SPIRE1: variants seen among roughly 807,000 people sequenced by gnomAD.
SPIRE1 encodes the protein protein spire homolog 1.
SPIRE1 carries 40 observed loss-of-function variants against 94.1 expected under a neutral mutation model. The observed-to-expected ratio is 0.43, with a 90% CI of 0.33 to 0.55. SPIRE1 has a LOEUF of 0.55. Ranked by LOEUF, SPIRE1 falls within the 20% of genes least tolerant of loss-of-function variation. The pLI is 0.06. For missense variants in SPIRE1, 838 were observed against 975.2 expected, an observed-to-expected ratio of 0.86 and a Z score of 1.87; for synonymous variants, 376 against 371.7, an observed-to-expected ratio of 1.01 and a Z score of -0.13.
intron 4 of SPIRE1, among the ~76,000 whole-genome samples, chr18:12,520,511 C>A (rs2034328782): frequency 6.6e-6 from 1 of 152,138 alleles, no homozygotes; most frequent in Non-Finnish European, 1.5e-5. Flanking sequence ...GAGATTTACT[C>A]CTCCCTGATG....
At chr18:12,615,026 T>C (rs1037399545) in intron 2 of SPIRE1, among the ~76,000 whole-genome samples, 10 of 149,844 alleles carry the variant, frequency 6.7e-5, no homozygotes, top group Non-Finnish European at 1.0e-4. Context: ...CTATCTCTAT[T>C]AAAAATACAA....
chr18:12,558,900 T>C (rs140959996), intron 2 of SPIRE1, among the ~76,000 whole-genome samples: 1,917 of 152,214 alleles, frequency 0.013, 41 homozygotes, highest in African/African-American at 0.043. Flanking sequence ...AGAGTGCTGA[T>C]TGGTGCATTT....
intron 2 of SPIRE1, among the ~76,000 whole-genome samples, chr18:12,627,444 C>G (rs2037663552): frequency 6.6e-6 from 1 of 152,154 alleles, no homozygotes; most frequent in Non-Finnish European, 1.5e-5. Flanking sequence ...GCCACGTTTT[C>G]TTAATCCAGT....
At chr18:12,460,933 C>A (rs1235535209) in intron 12 of SPIRE1, among the ~76,000 whole-genome samples, 2 of 152,176 alleles carry the variant, frequency 1.3e-5, no homozygotes, top group Admixed American at 6.6e-5. Flanking sequence ...TTCGTCTCTG[C>A]TGGTGCTTGG....
chr18:12,589,837 A>G (rs2036482864), intron 2 of SPIRE1, among the ~76,000 whole-genome samples: 1 of 152,226 alleles, frequency 6.6e-6, no homozygotes, highest in South Asian at 2.1e-4. Flanking sequence ...AAATGTTTTT[A>G]AGAATTAGTT....
intron 2 of SPIRE1, among the ~76,000 whole-genome samples, chr18:12,606,458 C>T (rs1331991437): frequency 2.0e-5 from 3 of 151,970 alleles, no homozygotes; most frequent in Admixed American, 1.3e-4. Flanking sequence ...CAGGGCTATT[C>T]TCCTGGTCTA....
intron 2 of SPIRE1, among the ~76,000 whole-genome samples, chr18:12,565,985 A>G (rs1471187472): frequency 2.0e-5 from 3 of 150,398 alleles, no homozygotes; most frequent in African/African-American, 7.4e-5. Context: ...GTGAGCCAAG[A>G]TCGTGCCATT....
chr18:12,640,590 T>C (rs1376628078), intron 1 of SPIRE1, among the ~76,000 whole-genome samples: 1 of 152,174 alleles, frequency 6.6e-6, no homozygotes, highest in African/African-American at 2.4e-5. Flanking sequence ...GAACTCGTGA[T>C]AAATGGATCC....
intron 1 of SPIRE1, 149 bp downstream of exon 1, chr18:12,657,381 C>T: frequency 1.6e-6 from 1 of 615,914 alleles, no homozygotes; most frequent in Non-Finnish European, 2.3e-6. Context: ...CCGTCCTCCC[C>T]TGCGGGTCCC....
chr18:12,631,239 A>G (rs1478067281), intron 2 of SPIRE1, among the ~76,000 whole-genome samples: 2 of 152,026 alleles, frequency 1.3e-5, no homozygotes, highest in Non-Finnish European at 2.9e-5. Context: ...GTGGGCTATA[A>G]TCTATCAATA....
intron 4 of SPIRE1, among the ~76,000 whole-genome samples, chr18:12,533,932 T>TAC (rs10658152): frequency 0.16 from 22,694 of 144,334 alleles, 1,717 homozygotes; most frequent in Non-Finnish European, 0.16. Flanking sequence ...GCTAATCCAT[T>TAC]ACACACACAC....
At chr18:12,471,355 C>G (rs1056709265) in intron 10 of SPIRE1, among the ~76,000 whole-genome samples, 1 of 151,316 alleles carries the variant, frequency 6.6e-6, no homozygotes, top group African/African-American at 2.4e-5. Flanking sequence ...TCTAAGGCCC[C>G]TTCCAGTTAA....
rs892593870 is a variant in SPIRE1 at position 12,497,046 on chromosome 18, C to T, written c.973-944G>A. 2.0e-5 allele frequency among the ~76,000 whole-genome samples: 3 copies of T among 152,026 alleles called. No homozygotes were observed. The South Asian group carries it at 6.2e-4, about 32-fold the overall frequency. ...TCACGCTACTGCACTCCAGCCTAGG[C>T]AACAGAGCAAGACTCTGTCGCAAAA... On this transcript the variant is annotated intron_variant, in intron 6 of 16. Transcript: ENST00000409402.
In SPIRE1 at chr18:12,625,636, A is replaced by C. The variant is rs554336703; in HGVS notation, c.372+9426T>G. On this transcript the variant is annotated intron_variant, in intron 2 of 16. Transcript: ENST00000409402. Reference sequence around the variant, plus strand: ...ATAAAACAGCCTCATTTATGCAGCTAAAGTTGTGCATGCATGCAAATATTT... The same window carrying C: ...ATAAAACAGCCTCATTTATGCAGCTCAAGTTGTGCATGCATGCAAATATTT... 2.0e-5 allele frequency among the ~76,000 whole-genome samples: 3 copies of C among 152,372 alleles called. No homozygotes were observed. In the East Asian group the frequency reaches 5.8e-4, roughly 29 times the overall value.
intron 2 of SPIRE1, among the ~76,000 whole-genome samples, chr18:12,551,774 A>AGC (rs2035357704): frequency 6.6e-6 from 1 of 152,106 alleles, no homozygotes; most frequent in African/African-American, 2.4e-5. Context: ...ATTGATCATC[A>AGC]GCCCTGCAGG....
intron 2 of SPIRE1, among the ~76,000 whole-genome samples, chr18:12,594,511 TA>T (rs1159012169): frequency 6.6e-6 from 1 of 152,242 alleles, no homozygotes; most frequent in Non-Finnish European, 1.5e-5. Context: ...TACAAACCAC[TA>T]TGTCCACATG....
chr18:12,552,109 T>C (rs1364139667), intron 2 of SPIRE1, among the ~76,000 whole-genome samples: 1 of 152,222 alleles, frequency 6.6e-6, no homozygotes, highest in Admixed American at 6.5e-5. Context: ...CACAGAGGAA[T>C]CGCCTAAATG....
At chr18:12,654,298 C>T (rs1312151222) in intron 1 of SPIRE1, among the ~76,000 whole-genome samples, 1 of 137,910 alleles carries the variant, frequency 7.3e-6, no homozygotes, top group Non-Finnish European at 1.5e-5. Flanking sequence ...GACTGCACCA[C>T]TGCACTCCAG....
chr18:12,606,183 CCA>C (rs1161882027), intron 2 of SPIRE1, among the ~76,000 whole-genome samples: 2 of 151,964 alleles, frequency 1.3e-5, no homozygotes, highest in African/African-American at 4.8e-5. Context: ...GCACTTAACA[CCA>C]CAGAGTATTT....
Sources: allele counts gnomAD v4.1 joint callset (sites outside exome capture counted in the v4.1 genomes callset), GRCh38; gene constraint gnomAD v4.1.1; transcripts MANE v1.5; gene names NCBI Gene and HGNC (gene_info 2026-07-23, HGNC 2026-07-21).